RALGPS2: variants seen among roughly 807,000 people sequenced by gnomAD.
RALGPS2 encodes Ral GEF with PH domain and SH3 binding motif 2, also known as ras-specific guanine nucleotide-releasing factor RalGPS2.
Under a neutral mutation model 86.8 loss-of-function variants are expected in RALGPS2, and 43 were observed. The ratio of observed to expected loss-of-function variants is 0.50; its 90% CI spans 0.39 to 0.64. The LOEUF is 0.64. Ranked by LOEUF, RALGPS2 falls within the 30% of genes least tolerant of loss-of-function variation. The probability of loss-of-function intolerance (pLI) is 0.00; values close to 1 mark genes in which losing one functional copy is unlikely to be tolerated. For missense variants in RALGPS2, 536 were observed against 694.6 expected (o/e 0.77, Z 2.57); for synonymous variants, 243 against 231.3 (o/e 1.05, Z -0.46).
chr1:178,732,033 A>C (rs79005261), intron 1 of RALGPS2, among the ~76,000 whole-genome samples: 5,504 of 152,256 alleles, frequency 0.036, 124 homozygotes, highest in Middle Eastern at 0.058. Flanking sequence ...AAGACAAAGT[A>C]TATGGATAGA....
intron 1 of RALGPS2, among the ~76,000 whole-genome samples, chr1:178,757,213 G>A (rs1314847816): frequency 6.6e-6 from 1 of 152,146 alleles, no homozygotes; most frequent in Non-Finnish European, 1.5e-5. Flanking sequence ...GCGGTCTTTA[G>A]GGTTTTCTAG....
intron 8 of RALGPS2, among the ~76,000 whole-genome samples, chr1:178,857,664 G>C (rs915086626): frequency 6.6e-6 from 1 of 152,108 alleles, no homozygotes; most frequent in Non-Finnish European, 1.5e-5. Context: ...TGCATATTCT[G>C]TAAATGTTAT....
chr1:178,814,611 T>G (rs1655141026), intron 6 of RALGPS2, among the ~76,000 whole-genome samples: 1 of 152,080 alleles, frequency 6.6e-6, no homozygotes, highest in Admixed American at 6.5e-5. Context: ...AATTTCTGTT[T>G]TTTTGTTTTG....
At position 178,811,347 on chromosome 1, in the gene RALGPS2, T is replaced by C. The variant is rs148326344; in HGVS notation, c.330T>C (p.His110=). The C allele has an allele frequency of 1.2e-4, 189 of 1,549,678 alleles. 2 individuals carry two copies. Among genetic ancestry groups the C allele is most frequent in the Admixed American group, 2.0e-4 (9 of 44,544 alleles). ...TTTGGGTTGTTAGAGAGATTCTTCA[T>C]GCTCAAACATTAAAAATTAGAGCAG... ...VSFWVVREIL[H]AQTLKIRAEV... Residue 110 remains histidine (H), a synonymous_variant, in exon 6 of 20, where the codon CAT becomes CAC. Coordinates refer to ENST00000367635, the MANE Select transcript of RALGPS2 (RefSeq NM_152663.5).
intron 8 of RALGPS2, among the ~76,000 whole-genome samples, chr1:178,854,657 G>A (rs1308945688): frequency 2.6e-5 from 4 of 152,138 alleles, no homozygotes; most frequent in East Asian, 3.8e-4. Context: ...GAGATAGAAC[G>A]ATTAACTAAG....
rs1280539376 is a variant in RALGPS2, at chr1:178,889,675, C to T, written c.1226C>T (p.Thr409Ile). The change falls in exon 14 of 20, where the codon ACC becomes ATC. Residue 409 changes from threonine to isoleucine, a missense_variant. Transcript: ENST00000367635. ...GATGGTTCTGAACTAAGTGAAGAGA[C>T]CTCATGGCCTGCTTTTGAAAGGTAA... The part of the protein sequence containing the change: ...SSDGSELSEE[T>I]SWPAFERNRL... 5 of 1,606,640 alleles carry T rather than the reference C, an allele frequency of 3.1e-6. No homozygotes were observed. Among genetic ancestry groups the T allele is most frequent in the Admixed American group, 3.4e-5 (2 of 59,096 alleles).
At chr1:178,757,083 G>C (rs1651995769) in intron 1 of RALGPS2, among the ~76,000 whole-genome samples, 1 of 152,120 alleles carries the variant, frequency 6.6e-6, no homozygotes, top group Non-Finnish European at 1.5e-5. Flanking sequence ...ATGGAATTGT[G>C]TTCTTGATTT....
intron 1 of RALGPS2, among the ~76,000 whole-genome samples, chr1:178,749,631 C>CTCCG (rs1281544979): frequency 1.3e-5 from 2 of 152,140 alleles, no homozygotes. Flanking sequence ...CGGAGTAACA[C>CTCCG]TTGGGATTTT....
chr1:178,725,264 AGCG>A lies in RALGPS2; in HGVS notation c.-221_-219del, dbSNP rs761548068. ...AGCTCACTCTCCTCCCCCGAGCGGCAGCGGCGGCGGCGGCGGCGGCTGCTGCGG... is the reference window on the plus strand; with the variant it reads ...AGCTCACTCTCCTCCCCCGAGCGGCAGCGGCGGCGGCGGCGGCTGCTGCGG... On this transcript the variant is annotated 5_prime_UTR_variant, in exon 1 of 20. Coordinates refer to ENST00000367635, the MANE Select transcript of RALGPS2 (RefSeq NM_152663.5). 1.6e-4 allele frequency: 6 copies of A among 37,224 alleles called. No individual in the cohort carries two copies. The highest frequency in any genetic ancestry group is 5.9e-4 in the Admixed American group (1 of 1,696). The allele number at this position is 37,224 out of a possible 1,614,324, so 2.3% of individuals were successfully genotyped here. A position where few individuals can be genotyped will look rare whatever the true frequency, so the allele number is the denominator to read the frequency against.
intron 17 of RALGPS2, among the ~76,000 whole-genome samples, chr1:178,901,042 C>T (rs1660151739): frequency 1.3e-5 from 2 of 152,060 alleles, no homozygotes; most frequent in Non-Finnish European, 2.9e-5. Flanking sequence ...TTTCATTCTT[C>T]ACAGTAGTAA....
chr1:178,899,002 T>C (rs1275989423), intron 17 of RALGPS2, among the ~76,000 whole-genome samples: 1 of 151,964 alleles, frequency 6.6e-6, no homozygotes, highest in Non-Finnish European at 1.5e-5. Flanking sequence ...AAAGTAACTT[T>C]TCACATAGCC....
At chr1:178,803,536 A>T (rs1654585659) in intron 4 of RALGPS2, among the ~76,000 whole-genome samples, 1 of 151,638 alleles carries the variant, frequency 6.6e-6, no homozygotes, top group Non-Finnish European at 1.5e-5. Context: ...TAGCAGTTTG[A>T]TGTTTTCAGT....
intron 8 of RALGPS2, among the ~76,000 whole-genome samples, chr1:178,854,940 C>G (rs151168317): frequency 1.5e-3 from 235 of 152,090 alleles, no homozygotes; most frequent in African/African-American, 5.3e-3. Context: ...TGTTTCGAGC[C>G]TTTTTTATAA....
At chr1:178,790,996 A>G (rs1297576672) in intron 4 of RALGPS2, among the ~76,000 whole-genome samples, 2 of 152,218 alleles carry the variant, frequency 1.3e-5, no homozygotes, top group Non-Finnish European at 2.9e-5. Context: ...TGAGTCTATA[A>G]CTAGTAAATT....
intron 8 of RALGPS2, among the ~76,000 whole-genome samples, chr1:178,856,121 T>C (rs1657522046): frequency 6.7e-6 from 1 of 148,174 alleles, no homozygotes; most frequent in Non-Finnish European, 1.5e-5. Context: ...TTTATCCTTA[T>C]AAGAATTTCT....
At chr1:178,811,554 C>T (rs529161837) in intron 6 of RALGPS2, 150 bp downstream of exon 6, 1 of 543,132 alleles carries the variant, frequency 1.8e-6, no homozygotes, top group Middle Eastern at 4.6e-4. Flanking sequence ...TGGATGCCTA[C>T]TTTCTCTGCC....
At chr1:178,749,068 G>A (rs577941607) in intron 1 of RALGPS2, among the ~76,000 whole-genome samples, 5 of 152,070 alleles carry the variant, frequency 3.3e-5, no homozygotes, top group African/African-American at 4.8e-5. Flanking sequence ...GAACTCCTGG[G>A]CTCAAGCTGT....
At chr1:178,896,958 G>A (rs1346629475) in intron 16 of RALGPS2, among the ~76,000 whole-genome samples, 1 of 151,322 alleles carries the variant, frequency 6.6e-6, no homozygotes, top group African/African-American at 2.4e-5. Flanking sequence ...ATGATTTATA[G>A]TCCTTTGTGT....
chr1:178,875,564 A>G lies in RALGPS2; in HGVS notation c.608-1934A>G, dbSNP rs143330709. Among the ~76,000 whole-genome samples, 1,282 of 152,186 alleles carry G rather than the reference A, an allele frequency of 8.4e-3. 14 individuals are homozygous for G. The highest frequency in any genetic ancestry group is 0.029 in the African/African-American group (1,195 of 41,536). ...GGAGTTCGAGACCAGCCTGGCCAAC[A>G]TGGTGAAACCCCATCTCTACTAAAA... On this transcript the variant is annotated intron_variant, in intron 8 of 19. Transcript: ENST00000367635.
Sources: allele counts gnomAD v4.1 joint callset (sites outside exome capture counted in the v4.1 genomes callset), GRCh38; gene constraint gnomAD v4.1.1; transcripts MANE v1.5; gene names NCBI Gene and HGNC (gene_info 2026-07-23, HGNC 2026-07-21).